CENPE: variants seen among roughly 807,000 people sequenced by gnomAD.
CENPE encodes the protein centromere protein E.
A neutral mutation model predicts 336.1 loss-of-function variants in CENPE; 145 were observed. That is an observed-to-expected ratio of 0.43 (90% CI 0.38 to 0.50). The LOEUF is 0.50. CENPE is among the 20% of genes least tolerant of loss of function. The pLI is 0.00. For synonymous variants in CENPE, 1,013 were observed against 984.8 expected, an observed-to-expected ratio of 1.03 and a Z score of -0.54; for missense variants, 2,719 against 3,023.3, an observed-to-expected ratio of 0.90 and a Z score of 2.36.
At chr4:103,184,683 C>T (rs1405625489) in intron 9 of CENPE, among the ~76,000 whole-genome samples, 1 of 152,112 alleles carries the variant, frequency 6.6e-6, no homozygotes, top group Non-Finnish European at 1.5e-5. Context: ...TTCTATTTCA[C>T]TGGGCTGACA....
chr4:103,183,180 T>A (rs1021849133), intron 10 of CENPE, 21 bp downstream of exon 10: 1 of 1,568,584 alleles, frequency 6.4e-7, no homozygotes, highest in South Asian at 1.1e-5. Context: ...AGTAGGTAAG[T>A]GCACAACGGG....
intron 33 of CENPE, among the ~76,000 whole-genome samples, chr4:103,144,126 T>C (rs889897231): frequency 1.1e-4 from 16 of 152,012 alleles, no homozygotes; most frequent in African/African-American, 2.9e-4. Flanking sequence ...TTAGTAGAGA[T>C]GGCGTTTCAC....
chr4:103,141,972 G>T, intron 34 of CENPE, 64 bp from the exon 35 acceptor site: 1 of 1,013,424 alleles, frequency 9.9e-7, no homozygotes. Flanking sequence ...AAAAAATAAA[G>T]TGATATATTT....
intron 29 of CENPE, 52 bp downstream of exon 29, chr4:103,147,304 C>G: frequency 6.9e-7 from 1 of 1,443,916 alleles, no homozygotes; most frequent in Non-Finnish European, 9.4e-7. Context: ...CAAACACAAG[C>G]CTTGATTCTT....
chr4:103,108,986 T>C lies in CENPE; in HGVS notation c.7828A>G (p.Lys2610Glu). The C allele has an allele frequency of 6.2e-7, 1 of 1,613,818 alleles. No homozygotes were observed. Among genetic ancestry groups the C allele is most frequent in the Non-Finnish European group, 8.5e-7 (1 of 1,179,750 alleles). ...VTCENSPKSP[K>E]VTGTASKKKQ... ...TTTTTAGAAGCTGTTCCAGTCACTT[T>C]AGGAGACTTTGGAGAATTCTCACAA... The change falls in exon 48 of 49, where the codon AAA becomes GAA. Residue 2610 changes from lysine (K) to glutamate (E), a missense_variant. Coordinates refer to ENST00000265148, the MANE Select transcript of CENPE (RefSeq NM_001813.3).
At chr4:103,183,527 G>C (rs993411172) in intron 9 of CENPE, among the ~76,000 whole-genome samples, 1 of 152,018 alleles carries the variant, frequency 6.6e-6, no homozygotes, top group Admixed American at 6.6e-5. Flanking sequence ...AAAATGAAGA[G>C]GGAGGGAAGA....
chr4:103,123,244 T>A (rs1750796217), intron 42 of CENPE, among the ~76,000 whole-genome samples, 155 bp from the exon 43 acceptor site: 1 of 152,228 alleles, frequency 6.6e-6, no homozygotes, highest in East Asian at 1.9e-4. Context: ...TTCACAGGTT[T>A]TGAATTGCAC....
In CENPE at chr4:103,140,322, T is replaced by C. The variant is rs114091746; in HGVS notation, c.5847A>G (p.Glu1949=). The change falls in exon 37 of 49, where the codon GAA becomes GAG. Residue 1949 remains glutamate (E), a synonymous_variant. Transcript: ENST00000265148. The part of the protein sequence containing the change: ...TVDKLREKIS[E]KTIQISDIQK... The stretch of plus-strand genomic sequence containing the variant: ...GAATGTCTGAAATTTGAATTGTCTT[T>C]TCTGAAATTTTTTCTCTAAGTTTAT... 107 of 1,606,346 alleles carry C rather than the reference T, an allele frequency of 6.7e-5. 1 individual carries two copies. In the East Asian group the frequency reaches 2.4e-3, roughly 36 times the overall value.
At chr4:103,163,364 C>A in intron 17 of CENPE, 108 bp from the exon 18 acceptor site, 1 of 1,275,620 alleles carries the variant, frequency 7.8e-7, no homozygotes, top group South Asian at 1.4e-5. Flanking sequence ...AATTCAAAGT[C>A]ACTAATATTT....
At chr4:103,185,678 A>C in intron 9 of CENPE, 132 bp downstream of exon 9, 1 of 509,908 alleles carries the variant, frequency 2.0e-6, no homozygotes, top group Non-Finnish European at 3.4e-6. Flanking sequence ...TCAGAAAATC[A>C]CAATTAATGA....
At chr4:103,122,552 C>T (rs1293196199) in intron 43 of CENPE, among the ~76,000 whole-genome samples, 1 of 152,164 alleles carries the variant, frequency 6.6e-6, no homozygotes, top group African/African-American at 2.4e-5. Context: ...ACATAGATCA[C>T]AGTTCAACAG....
chr4:103,145,585 C>T lies in CENPE; in HGVS notation c.4510G>A (p.Glu1504Lys). ...NELRVNLSEK[E>K]TEISTIQKQL... is the part of the protein sequence containing the mutation. The stretch of plus-strand genomic sequence containing the variant: ...TTTTGAATGGTTGATATTTCAGTTT[C>T]CTTCTCTGAAAGATTCACTCTTAAC... Residue 1504 changes from glutamate to lysine, a missense_variant, in exon 31 of 49, where the codon GAA (glutamate) becomes AAA (lysine). By Grantham distance (56) the Glu-to-Lys change is moderately conservative. Transcript: ENST00000265148. 6.2e-7 allele frequency: 1 copy of T among 1,609,804 alleles called. No homozygotes were observed. Among genetic ancestry groups the T allele is most frequent in the Non-Finnish European group, 8.5e-7 (1 of 1,177,906 alleles).
chr4:103,140,775 G>A (rs756452865), intron 36 of CENPE, 39 bp downstream of exon 36: 1 of 1,517,404 alleles, frequency 6.6e-7, no homozygotes, highest in African/African-American at 1.4e-5. Context: ...GCCCAAATAT[G>A]TGAATATAAT....
At chr4:103,188,034 A>C (rs1027400428) in intron 8 of CENPE, among the ~76,000 whole-genome samples, 4 of 152,066 alleles carry the variant, frequency 2.6e-5, no homozygotes, top group Admixed American at 1.3e-4. Flanking sequence ...AACAAAGATC[A>C]AAAGAGACAA....
intron 21 of CENPE, among the ~76,000 whole-genome samples, chr4:103,160,210 C>A (rs1754319270): frequency 6.6e-6 from 1 of 151,858 alleles, no homozygotes. Context: ...CATTCACCAG[C>A]CTGCAAGGTT....
intron 42 of CENPE, among the ~76,000 whole-genome samples, chr4:103,129,565 G>A (rs1405685186): frequency 6.6e-6 from 1 of 151,712 alleles, no homozygotes; most frequent in African/African-American, 2.4e-5. Context: ...GGTGAAACCC[G>A]TCTCTACTAA....
At chr4:103,133,134 T>C (rs541576744) in intron 41 of CENPE, among the ~76,000 whole-genome samples, 4 of 152,110 alleles carry the variant, frequency 2.6e-5, no homozygotes, top group Middle Eastern at 6.8e-3. Flanking sequence ...GTATACATGA[T>C]GTAACAGATT....
intron 44 of CENPE, 84 bp downstream of exon 44, chr4:103,120,064 G>T: frequency 2.1e-6 from 2 of 969,448 alleles, no homozygotes; most frequent in Non-Finnish European, 3.0e-6. Context: ...TGAGAGGGAA[G>T]AATAGAGCAC....
chr4:103,182,947 G>A, intron 10 of CENPE, 56 bp from the exon 11 acceptor site: 1 of 1,547,378 alleles, frequency 6.5e-7, no homozygotes, highest in Non-Finnish European at 8.8e-7. Flanking sequence ...ATATAATAAA[G>A]TAGTTGGTTT....
Sources: gnomAD v4.1 joint callset for allele counts (sites outside exome capture counted in the v4.1 genomes callset) on GRCh38, gnomAD v4.1.1 for gene constraint, MANE v1.5 for transcripts, NCBI Gene and HGNC (gene_info 2026-07-23, HGNC 2026-07-21) for gene names.